Variants in PRKN observed in about 807,000 individuals in gnomAD.
PRKN encodes the protein parkin RBR E3 ubiquitin protein ligase.
Under a neutral mutation model 59.5 loss-of-function variants are expected in PRKN, and 56 were observed. The observed-to-expected ratio is 0.94, with a 90% CI of 0.76 to 1.18. The LOEUF is 1.18. Among genes scored for constraint, PRKN ranks in the 50% most tolerant of loss-of-function variants. The probability of loss-of-function intolerance (pLI) is 0.00; values close to 1 mark genes in which losing one functional copy is unlikely to be tolerated. For synonymous variants in PRKN, 250 were observed against 222.1 expected, an observed-to-expected ratio of 1.13 and a Z score of -1.12; for missense variants, 657 against 596.4, an observed-to-expected ratio of 1.10 and a Z score of -1.06.
chr6:161,949,703 T>C (rs1779915143), intron 6 of PRKN, among the ~76,000 whole-genome samples: 1 of 152,222 alleles, frequency 6.6e-6, no homozygotes, highest in African/African-American at 2.4e-5. Context: ...TCTCTGTGAT[T>C]CAGCACATGG....
At chr6:161,814,528 G>A (rs1191388844) in intron 6 of PRKN, among the ~76,000 whole-genome samples, 1 of 152,064 alleles carries the variant, frequency 6.6e-6, no homozygotes, top group Non-Finnish European at 1.5e-5. Flanking sequence ...TTGAGATGGA[G>A]TTTCACTCTT....
At chr6:161,656,233 G>A (rs915189601) in intron 7 of PRKN, among the ~76,000 whole-genome samples, 1 of 152,178 alleles carries the variant, frequency 6.6e-6, no homozygotes, top group Non-Finnish European at 1.5e-5. Flanking sequence ...GAAAGTCAGC[G>A]CTCGGGCCCC....
At chr6:162,298,237 T>C (rs554912543) in intron 2 of PRKN, among the ~76,000 whole-genome samples, 1 of 152,072 alleles carries the variant, frequency 6.6e-6, no homozygotes, top group East Asian at 1.9e-4. Flanking sequence ...CCCTGCTTGC[T>C]TGAAATCTCT....
At chr6:161,389,614 C>T (rs900910557) in intron 9 of PRKN, among the ~76,000 whole-genome samples, 6 of 152,136 alleles carry the variant, frequency 3.9e-5, no homozygotes, top group African/African-American at 1.4e-4. Context: ...TTTTTAAAAA[C>T]ATTTATCTGT....
intron 5 of PRKN, among the ~76,000 whole-genome samples, chr6:162,002,736 T>C (rs1412302556): frequency 6.6e-6 from 1 of 152,144 alleles, no homozygotes; most frequent in Admixed American, 6.6e-5. Context: ...TGATTTATTT[T>C]AGGTCTTTTT....
intron 3 of PRKN, among the ~76,000 whole-genome samples, chr6:162,254,868 C>T (rs74345265): frequency 0.023 from 3,522 of 151,948 alleles, 129 homozygotes; most frequent in African/African-American, 0.081. Flanking sequence ...CTACATTTCC[C>T]AACATAAAAT....
intron 1 of PRKN, among the ~76,000 whole-genome samples, chr6:162,673,790 A>C (rs1276364166): frequency 6.6e-6 from 1 of 152,194 alleles, no homozygotes; most frequent in African/African-American, 2.4e-5. Flanking sequence ...AGCTCATGCC[A>C]ACACTCAATC....
intron 7 of PRKN, among the ~76,000 whole-genome samples, chr6:161,744,617 C>T (rs1788336621): frequency 6.6e-6 from 1 of 152,214 alleles, no homozygotes; most frequent in Non-Finnish European, 1.5e-5. Context: ...GGTGGATTAA[C>T]ATGGTCAAGG....
intron 2 of PRKN, among the ~76,000 whole-genome samples, chr6:162,292,114 C>T (rs1382782627): frequency 6.6e-6 from 1 of 151,944 alleles, no homozygotes; most frequent in Non-Finnish European, 1.5e-5. Context: ...CAGTTGCCTG[C>T]CACCACACCT....
chr6:162,041,862 C>T (rs1298899512), intron 5 of PRKN, among the ~76,000 whole-genome samples: 1 of 152,130 alleles, frequency 6.6e-6, no homozygotes, highest in East Asian at 1.9e-4. Flanking sequence ...CTGTCAGTTA[C>T]AGTGTGCATT....
intron 6 of PRKN, among the ~76,000 whole-genome samples, chr6:161,897,103 C>T (rs551448585): frequency 6.6e-6 from 1 of 152,308 alleles, no homozygotes; most frequent in African/African-American, 2.4e-5. Flanking sequence ...GTCTCTATCC[C>T]TTGGCCTAGA....
chr6:161,479,562 G>A (rs1381937376), intron 9 of PRKN, among the ~76,000 whole-genome samples: 1 of 152,196 alleles, frequency 6.6e-6, no homozygotes. Flanking sequence ...TGGCTGGAAA[G>A]GATTTAATCC....
At chr6:161,876,438 A>C (rs1403443777) in intron 6 of PRKN, among the ~76,000 whole-genome samples, 1 of 152,122 alleles carries the variant, frequency 6.6e-6, no homozygotes, top group Non-Finnish European at 1.5e-5. Flanking sequence ...CAGCCACCCA[A>C]GTAGTTGTGA....
Position 161,448,962 on chromosome 6 carries a change from T to C in PRKN, c.1084-62085A>G, listed in dbSNP as rs896318618. ...GGTCACATTAAAAAGGTGGTGCATC[T>C]GAGATGGTGACTGCTCAGAATAAAG... On this transcript the variant is annotated intron_variant, in intron 9 of 11. Coordinates refer to ENST00000366898, the MANE Select transcript of PRKN (RefSeq NM_004562.3). This position sits in a 1 kb window ranked among gnomAD's most constrained non-coding sequence, Gnocchi z 5.1. 3.3e-5 allele frequency among the ~76,000 whole-genome samples: 5 copies of C among 152,202 alleles called. No homozygotes were observed. The highest frequency in any genetic ancestry group is 9.7e-5 in the African/African-American group (4 of 41,442).
At chr6:162,686,871 C>G (rs1330760445) in intron 1 of PRKN, among the ~76,000 whole-genome samples, 1 of 152,098 alleles carries the variant, frequency 6.6e-6, no homozygotes. Flanking sequence ...TTTCATTGAT[C>G]TATGTATCTA....
Position 161,399,622 on chromosome 6 carries a change from C to T in PRKN, c.1084-12745G>A, listed in dbSNP as rs981542863. On this transcript the variant is annotated intron_variant, in intron 9 of 11. Transcript: ENST00000366898. This position sits in a 1 kb window ranked among gnomAD's most constrained non-coding sequence, Gnocchi z 4.4. ...ACCGGGGTGGGTCAGGGAACTCTCC[C>T]GTTTCAGCAGTAAGAAGAGGAAGGT... 6.6e-6 allele frequency among the ~76,000 whole-genome samples: 1 copy of T among 152,104 alleles called. No homozygotes were observed. The highest frequency in any genetic ancestry group is 1.9e-4 in the East Asian group (1 of 5,180).
intron 2 of PRKN, among the ~76,000 whole-genome samples, chr6:162,379,022 C>A (rs748450312): frequency 1.3e-5 from 2 of 152,272 alleles, no homozygotes; most frequent in African/African-American, 2.4e-5. Flanking sequence ...AACTGGCAGG[C>A]CTTTATTCAA....
intron 7 of PRKN, among the ~76,000 whole-genome samples, chr6:161,607,518 C>T (rs908840154): frequency 7.9e-5 from 12 of 151,946 alleles, no homozygotes; most frequent in Non-Finnish European, 1.5e-4. Context: ...GAAAAAGAAG[C>T]GGTCTTAAAT....
intron 7 of PRKN, among the ~76,000 whole-genome samples, chr6:161,609,840 G>C (rs1782423172): frequency 6.6e-6 from 1 of 152,198 alleles, no homozygotes; most frequent in Non-Finnish European, 1.5e-5. Flanking sequence ...CAGTCACCAA[G>C]AACCTGCTGT....
Sources: allele counts gnomAD v4.1 joint callset (sites outside exome capture counted in the v4.1 genomes callset), GRCh38; gene constraint gnomAD v4.1.1; non-coding constraint Gnocchi (gnomAD v3.1); transcripts MANE v1.5; gene names NCBI Gene and HGNC (gene_info 2026-07-23, HGNC 2026-07-21).